Variants in DTNB observed in about 807,000 individuals in gnomAD.
The protein encoded by DTNB is DTN-B.
Under a neutral mutation model 90.7 loss-of-function variants are expected in DTNB, and 63 were observed. The observed-to-expected ratio is 0.69, with a 90% CI of 0.57 to 0.86. The LOEUF (loss-of-function observed/expected upper bound fraction) is 0.86. Among genes scored for constraint, DTNB ranks in the 40% least tolerant of loss-of-function variants. The pLI is 0.00. For synonymous variants in DTNB, 277 were observed against 286.7 expected (o/e 0.97, Z 0.34); for missense variants, 744 against 807.1 (o/e 0.92, Z 0.95).
At chr2:25,476,907 TA>T (rs1321363688) in intron 10 of DTNB, among the ~76,000 whole-genome samples, 9 of 152,190 alleles carry the variant, frequency 5.9e-5, no homozygotes, top group Non-Finnish European at 2.9e-5. Context: ...CTACTGTGGG[TA>T]AAATGCTATC....
chr2:25,534,144 G>C (rs1026550375), intron 8 of DTNB, among the ~76,000 whole-genome samples: 4 of 152,138 alleles, frequency 2.6e-5, no homozygotes, highest in African/African-American at 9.7e-5. Context: ...GGTCCCTGCG[G>C]CCTTTGGCCT....
chr2:25,466,195 G>A (rs1172519749), intron 10 of DTNB, among the ~76,000 whole-genome samples: 1 of 152,146 alleles, frequency 6.6e-6, no homozygotes, highest in Admixed American at 6.5e-5. Context: ...AATTAGCTGG[G>A]CGTAGTGGTG....
chr2:25,654,877 T>C (rs2081751849), intron 1 of DTNB, among the ~76,000 whole-genome samples: 1 of 152,240 alleles, frequency 6.6e-6, no homozygotes, highest in Non-Finnish European at 1.5e-5. Context: ...TCATGGATTG[T>C]TGTGAGGACT....
rs565961940 is a variant in DTNB at position 25,509,080 on chromosome 2, A to G, written c.1001+22393T>C. Among the ~76,000 whole-genome samples the G allele has an allele frequency of 3.9e-5, 6 of 152,318 alleles. No individual in the cohort carries two copies. In the South Asian group the frequency reaches 1.2e-3, roughly 32 times the overall value. The stretch of plus-strand genomic sequence containing the variant: ...CTTTGTAGATTCCTTAGCATTTTCT[A>G]TGTACACAATCACGTCATCTATGAA... On this transcript the variant is annotated intron_variant, in intron 9 of 20. Coordinates refer to ENST00000406818, the MANE Select transcript of DTNB (RefSeq NM_021907.5).
Position 25,548,415 on chromosome 2 carries a change from T to G in DTNB, c.877-16818A>C, listed in dbSNP as rs1410056802. Among the ~76,000 whole-genome samples the G allele has an allele frequency of 2.0e-5, 3 of 152,234 alleles. No homozygotes were observed. In the East Asian group the frequency reaches 5.8e-4, roughly 29 times the overall value. On this transcript the variant is annotated intron_variant, in intron 8 of 20. Coordinates refer to ENST00000406818, the MANE Select transcript of DTNB (RefSeq NM_021907.5). ...AAAATTCAAGATGTGTGTTAAGGTT[T>G]TTTTTTTTTCCTTTCTGTTGTTAAT...
chr2:25,515,026 G>A (rs147693845), intron 9 of DTNB, among the ~76,000 whole-genome samples: 236 of 152,224 alleles, frequency 1.6e-3, no homozygotes, highest in Non-Finnish European at 2.2e-3. Flanking sequence ...TTATCATTAA[G>A]CAGGATATAA....
At chr2:25,504,827 C>A (rs1227543466) in intron 9 of DTNB, among the ~76,000 whole-genome samples, 1 of 152,112 alleles carries the variant, frequency 6.6e-6, no homozygotes, top group African/African-American at 2.4e-5. Context: ...CTAACAAAAT[C>A]ACAAAATACC....
chr2:25,621,244 C>T (rs951602372), intron 4 of DTNB, among the ~76,000 whole-genome samples: 3 of 152,084 alleles, frequency 2.0e-5, no homozygotes, highest in African/African-American at 7.2e-5. Context: ...AAGACTGTAA[C>T]CTAATATTAT....
chr2:25,413,269 C>T (rs1451962150), intron 16 of DTNB, among the ~76,000 whole-genome samples: 1 of 142,388 alleles, frequency 7.0e-6, no homozygotes, highest in Non-Finnish European at 1.6e-5. Flanking sequence ...AAATCAGACA[C>T]CTTTTTTTTT....
intron 3 of DTNB, among the ~76,000 whole-genome samples, chr2:25,629,355 G>A (rs1187593851): frequency 1.3e-5 from 2 of 152,198 alleles, no homozygotes; most frequent in Non-Finnish European, 2.9e-5. Flanking sequence ...CTATTCAAAA[G>A]AAGGCAAGAA....
intron 1 of DTNB, among the ~76,000 whole-genome samples, chr2:25,656,595 A>G (rs2082109805): frequency 6.6e-6 from 1 of 151,926 alleles, no homozygotes; most frequent in African/African-American, 2.4e-5. Flanking sequence ...GCTCATATCC[A>G]CCCTCTTTTC....
At chr2:25,606,067 T>C (rs1209427040) in intron 5 of DTNB, among the ~76,000 whole-genome samples, 3 of 152,164 alleles carry the variant, frequency 2.0e-5, no homozygotes, top group Admixed American at 2.0e-4. Context: ...CCATCTAGCT[T>C]TCCAACTTTC....
intron 6 of DTNB, among the ~76,000 whole-genome samples, chr2:25,585,652 C>T (rs887175327): frequency 1.3e-5 from 2 of 152,188 alleles, no homozygotes; most frequent in African/African-American, 4.8e-5. Context: ...CCAACTTCAT[C>T]ATTTCCAACA....
intron 8 of DTNB, among the ~76,000 whole-genome samples, chr2:25,572,438 G>C (rs2060013736): frequency 6.7e-6 from 1 of 150,268 alleles, no homozygotes; most frequent in Admixed American, 6.6e-5. Context: ...CTGCACTCCA[G>C]CCTGGGCGAC....
chr2:25,619,996 C>T (rs980711855), intron 4 of DTNB, among the ~76,000 whole-genome samples: 15 of 151,868 alleles, frequency 9.9e-5, no homozygotes, highest in Admixed American at 7.9e-4. Context: ...GCTGAGATCG[C>T]GCCACTGCAC....
rs951470988 is a variant in DTNB, at chr2:25,627,978, T to C, written c.362+193A>G. ...GTCTCCATCTCCTGACCTTGTGATTTGCCCTCCTTGGCCTCCCAAAGTGCT... is the reference window on the plus strand; with the variant it reads ...GTCTCCATCTCCTGACCTTGTGATTCGCCCTCCTTGGCCTCCCAAAGTGCT... On this transcript the variant is annotated intron_variant, in intron 4 of 20. Coordinates refer to ENST00000406818, the MANE Select transcript of DTNB (RefSeq NM_021907.5). 3.9e-5 allele frequency among the ~76,000 whole-genome samples: 6 copies of C among 152,164 alleles called. No homozygotes were observed. In the South Asian group the frequency reaches 6.2e-4, roughly 16 times the overall value.
chr2:25,628,020 G>A, intron 4 of DTNB, 151 bp downstream of exon 4: 5 of 793,168 alleles, frequency 6.3e-6, no homozygotes, highest in East Asian at 2.8e-5. Context: ...ACAGCTGTGA[G>A]CTACCGTGCC....
At chr2:25,608,703 C>A (rs573066978) in intron 4 of DTNB, among the ~76,000 whole-genome samples, 162 of 152,252 alleles carry the variant, frequency 1.1e-3, no homozygotes, top group African/African-American at 3.8e-3. Context: ...ACACCAAGCA[C>A]TTGAAAGCTG....
At chr2:25,610,699 C>T (rs1232696560) in intron 4 of DTNB, among the ~76,000 whole-genome samples, 2 of 146,084 alleles carry the variant, frequency 1.4e-5, no homozygotes, top group Non-Finnish European at 3.0e-5. Context: ...CACTTCCCAC[C>T]GTGGTAACTT....
Sources: gnomAD v4.1 joint callset for allele counts (sites outside exome capture counted in the v4.1 genomes callset) on GRCh38, gnomAD v4.1.1 for gene constraint, MANE v1.5 for transcripts, NCBI Gene and HGNC (gene_info 2026-07-23, HGNC 2026-07-21) for gene names.